The following B3GALT1 variants were observed in gnomAD, a reference collection of about 807,000 sequenced individuals.
The protein encoded by B3GALT1 is UDP-Gal:betaGlcNAc beta 1,3-galactosyltransferase, polypeptide 1.
B3GALT1 carries 10 observed loss-of-function variants against 23.2 expected under a neutral mutation model. The observed-to-expected ratio is 0.43, with a 90% CI of 0.27 to 0.73. The LOEUF is 0.73. Among genes scored for constraint, B3GALT1 ranks in the 30% least tolerant of loss-of-function variants. The pLI is 0.21. For missense variants in B3GALT1, 299 were observed against 405.4 expected, an observed-to-expected ratio of 0.74 and a Z score of 2.25; for synonymous variants, 156 against 141.5, an observed-to-expected ratio of 1.10 and a Z score of -0.73.
intron 3 of B3GALT1, among the ~76,000 whole-genome samples, chr2:167,705,501 G>T (rs991184627): frequency 1.3e-5 from 2 of 152,030 alleles, no homozygotes; most frequent in Admixed American, 1.3e-4. Flanking sequence ...CTAGTAAAGT[G>T]CCTTGAAGTC....
intron 3 of B3GALT1, among the ~76,000 whole-genome samples, chr2:167,795,178 T>G (rs1054086540): frequency 1.3e-5 from 2 of 152,200 alleles, no homozygotes; most frequent in African/African-American, 4.8e-5. Context: ...AAAGTTCTAT[T>G]GGAAAACTAT....
intron 1 of B3GALT1, among the ~76,000 whole-genome samples, chr2:167,446,503 G>A (rs1430158916): frequency 4.6e-5 from 7 of 152,184 alleles, no homozygotes; most frequent in Admixed American, 4.6e-4. Flanking sequence ...AGGTACACCA[G>A]TCAGACATAG....
intron 1 of B3GALT1, among the ~76,000 whole-genome samples, chr2:167,339,386 A>G (rs1295111788): frequency 1.3e-5 from 2 of 150,228 alleles, no homozygotes; most frequent in Non-Finnish European, 3.0e-5. Context: ...TTGAATGCAT[A>G]TGTGTGGAGA....
At chr2:167,559,242 T>C (rs1416291563) in intron 2 of B3GALT1, among the ~76,000 whole-genome samples, 1 of 152,158 alleles carries the variant, frequency 6.6e-6, no homozygotes, top group Non-Finnish European at 1.5e-5. Flanking sequence ...GACCTGCAGC[T>C]GAGGGTCCTG....
chr2:167,415,720 C>T (rs1003461085), intron 1 of B3GALT1, among the ~76,000 whole-genome samples: 2 of 152,140 alleles, frequency 1.3e-5, no homozygotes, highest in Non-Finnish European at 2.9e-5. Flanking sequence ...AAAGAACGTT[C>T]TGATGAGATT....
chr2:167,546,541 A>G (rs1356188968), intron 2 of B3GALT1, among the ~76,000 whole-genome samples: 2 of 152,148 alleles, frequency 1.3e-5, no homozygotes, highest in African/African-American at 4.8e-5. Context: ...GTGGGTACTT[A>G]GATCTCACCC....
intron 3 of B3GALT1, among the ~76,000 whole-genome samples, chr2:167,783,753 A>T (rs1688288883): frequency 6.6e-6 from 1 of 152,096 alleles, no homozygotes; most frequent in Non-Finnish European, 1.5e-5. Context: ...CCCTCTAGCT[A>T]ATCTCGGTTT....
chr2:167,656,150 C>G (rs1685952404), intron 3 of B3GALT1, among the ~76,000 whole-genome samples: 1 of 152,104 alleles, frequency 6.6e-6, no homozygotes, highest in African/African-American at 2.4e-5. Context: ...CTTTCTAAGA[C>G]AGTAGAGGCC....
chr2:167,690,169 A>C (rs1386283096), intron 3 of B3GALT1, among the ~76,000 whole-genome samples: 1 of 152,134 alleles, frequency 6.6e-6, no homozygotes, highest in African/African-American at 2.4e-5. Flanking sequence ...GAAAAATGAC[A>C]AAAACAATCA....
intron 1 of B3GALT1, among the ~76,000 whole-genome samples, chr2:167,463,601 G>A (rs1699299787): frequency 6.6e-6 from 1 of 152,090 alleles, no homozygotes; most frequent in Admixed American, 6.6e-5. Flanking sequence ...ATACCTATAT[G>A]ATAAAGCAAT....
intron 1 of B3GALT1, among the ~76,000 whole-genome samples, chr2:167,330,469 G>A (rs1027097033): frequency 1.2e-4 from 18 of 152,106 alleles, no homozygotes; most frequent in Non-Finnish European, 2.4e-4. Context: ...AATTAGTTGG[G>A]CATTGTGGCA....
intron 3 of B3GALT1, among the ~76,000 whole-genome samples, chr2:167,774,025 A>AT (rs1443291898): frequency 6.6e-6 from 1 of 152,198 alleles, no homozygotes; most frequent in Non-Finnish European, 1.5e-5. Flanking sequence ...GTGGTATTCC[A>AT]TTTTTTACAG....
chr2:167,705,035 G>A (rs571710548), intron 3 of B3GALT1, among the ~76,000 whole-genome samples: 3 of 152,228 alleles, frequency 2.0e-5, no homozygotes, highest in African/African-American at 2.4e-5. Context: ...TGGGAAAAGC[G>A]TGCTATCCCA....
chr2:167,708,648 C>T (rs1014945211), intron 3 of B3GALT1, among the ~76,000 whole-genome samples: 7 of 152,056 alleles, frequency 4.6e-5, no homozygotes, highest in African/African-American at 9.7e-5. Flanking sequence ...GCAACAAGAG[C>T]GAGACTCCAT....
intron 4 of B3GALT1, among the ~76,000 whole-genome samples, chr2:167,823,727 C>A (rs2105369155): frequency 6.6e-6 from 1 of 152,274 alleles, no homozygotes; most frequent in Admixed American, 6.5e-5. Context: ...AGTACACAGG[C>A]CAGTGGGGGA....
At chr2:167,397,819 C>T (rs531216307) in intron 1 of B3GALT1, among the ~76,000 whole-genome samples, 1 of 152,038 alleles carries the variant, frequency 6.6e-6, no homozygotes, top group Non-Finnish European at 1.5e-5. Flanking sequence ...TTAAAGACAA[C>T]AGAACTATGA....
At chr2:167,382,576 A>G (rs1207455654) in intron 1 of B3GALT1, among the ~76,000 whole-genome samples, 1 of 152,196 alleles carries the variant, frequency 6.6e-6, no homozygotes, top group Non-Finnish European at 1.5e-5. Context: ...TTAGAATGGA[A>G]ATCAGTACTT....
intron 2 of B3GALT1, among the ~76,000 whole-genome samples, chr2:167,547,557 G>C (rs920217880): frequency 3.3e-5 from 5 of 152,064 alleles, no homozygotes; most frequent in African/African-American, 7.2e-5. Flanking sequence ...AGCTGAGCAT[G>C]GTGGCAGGTG....
At chr2:167,408,067 CACACAG>C (rs1393570614) in intron 1 of B3GALT1, among the ~76,000 whole-genome samples, 56 of 107,796 alleles carry the variant, frequency 5.2e-4, no homozygotes, top group African/African-American at 2.1e-3. Context: ...CACACACACA[CACACAG>C]ACACACAAAA....
Sources: gnomAD v4.1 joint callset for allele counts (sites outside exome capture counted in the v4.1 genomes callset) on GRCh38, gnomAD v4.1.1 for gene constraint, MANE v1.5 for transcripts, NCBI Gene and HGNC (gene_info 2026-07-23, HGNC 2026-07-21) for gene names.